The following MSRA variants were observed in gnomAD, a reference collection of about 807,000 sequenced individuals.
MSRA encodes the protein mitochondrial peptide methionine sulfoxide reductase.
Under a neutral mutation model 31.3 loss-of-function variants are expected in MSRA, and 54 were observed. That is an observed-to-expected ratio of 1.73 (90% CI 1.39 to 2.17). MSRA has a LOEUF of 2.17. MSRA is among the 30% of genes most tolerant of loss of function. The pLI, the probability that MSRA is intolerant of heterozygous loss-of-function variation, is 0.00. For missense variants in MSRA, 507 were observed against 300.9 expected, an observed-to-expected ratio of 1.69 and a Z score of -5.07; for synonymous variants, 169 against 116.5, an observed-to-expected ratio of 1.45 and a Z score of -2.90.
chr8:10,242,861 C>G (rs891581364), intron 2 of MSRA, among the ~76,000 whole-genome samples: 1 of 152,136 alleles, frequency 6.6e-6, no homozygotes, highest in African/African-American at 2.4e-5. Flanking sequence ...ACATTCCTCT[C>G]CAGAAATGTG....
rs375890802 is a variant in MSRA, at chr8:10,209,786, T to C, written c.211+1885T>C. ...AGCTCTTGGAGCAGGGGGCAGCCCC[T>C]GGGAGGCCCACTGTGCATGGCCAGC... is the stretch of plus-strand genomic sequence containing the variant. On this transcript the variant is annotated intron_variant, in intron 2 of 5. Transcript: ENST00000317173. Among the ~76,000 whole-genome samples, 8 of 152,328 alleles carry C rather than the reference T, an allele frequency of 5.3e-5. No individual in the cohort carries two copies. In the East Asian group the frequency reaches 1.4e-3, roughly 26 times the overall value.
chr8:10,093,496 A>G lies in MSRA; in HGVS notation c.142+38838A>G, dbSNP rs574580392. Among the ~76,000 whole-genome samples the G allele has an allele frequency of 5.3e-5, 8 of 152,182 alleles. No individual in the cohort carries two copies. The South Asian group carries it at 1.5e-3, about 28-fold the overall frequency. ...TTCTTTACTCTTATTGTCACATGTT[A>G]CCTCTTCATAGATTGTGTGCTTTTC... On this transcript the variant is annotated intron_variant, in intron 1 of 5. Coordinates refer to ENST00000317173, the MANE Select transcript of MSRA (RefSeq NM_012331.5).
At chr8:10,071,930 G>A (rs1797752868) in intron 1 of MSRA, among the ~76,000 whole-genome samples, 1 of 152,182 alleles carries the variant, frequency 6.6e-6, no homozygotes, top group African/African-American at 2.4e-5. Context: ...AAGAGACAGA[G>A]CAAGATCAGT....
intron 1 of MSRA, among the ~76,000 whole-genome samples, chr8:10,179,895 AGTT>A (rs1806385759): frequency 6.6e-6 from 1 of 152,186 alleles, no homozygotes; most frequent in South Asian, 2.1e-4. Flanking sequence ...TCAACCCCAA[AGTT>A]GTTCTAAGTG....
chr8:10,251,864 G>C (rs11780964), intron 3 of MSRA, among the ~76,000 whole-genome samples: 1 of 150,102 alleles, frequency 6.7e-6, no homozygotes, highest in African/African-American at 2.5e-5. Flanking sequence ...GACATGGTGG[G>C]GGGGGGGGGA....
chr8:10,283,834 T>TACAC (rs1481715144), intron 3 of MSRA, among the ~76,000 whole-genome samples: 2,512 of 70,750 alleles, frequency 0.036, 41 homozygotes, highest in Non-Finnish European at 0.053. Context: ...TATATATATA[T>TACAC]ATACACACAC....
chr8:10,096,599 G>A (rs1181873013), intron 1 of MSRA, among the ~76,000 whole-genome samples: 2 of 152,176 alleles, frequency 1.3e-5, no homozygotes, highest in Non-Finnish European at 2.9e-5. Context: ...AACGATTACT[G>A]TAGCCTGGCT....
intron 3 of MSRA, among the ~76,000 whole-genome samples, chr8:10,300,177 G>A (rs1474031893): frequency 6.6e-6 from 1 of 151,892 alleles, no homozygotes. Context: ...CATCTGGTAG[G>A]CACCCAGGAA....
chr8:10,284,970 C>G (rs1218754724), intron 3 of MSRA, among the ~76,000 whole-genome samples: 2 of 150,932 alleles, frequency 1.3e-5, no homozygotes, highest in South Asian at 2.1e-4. Flanking sequence ...CGTGTAGCAA[C>G]TTGAACAAAG....
intron 5 of MSRA, among the ~76,000 whole-genome samples, chr8:10,423,162 C>T (rs889383774): frequency 2.0e-5 from 3 of 152,288 alleles, no homozygotes; most frequent in East Asian, 1.9e-4. Flanking sequence ...GGGGAGAGGC[C>T]ACCAGGCTGC....
At chr8:10,117,511 C>T (rs1800772791) in intron 1 of MSRA, among the ~76,000 whole-genome samples, 1 of 152,112 alleles carries the variant, frequency 6.6e-6, no homozygotes, top group Non-Finnish European at 1.5e-5. Flanking sequence ...AAAAATAGTT[C>T]CTTGATATAC....
intron 5 of MSRA, among the ~76,000 whole-genome samples, chr8:10,355,560 G>T (rs1316445134): frequency 6.6e-6 from 1 of 152,168 alleles, no homozygotes; most frequent in African/African-American, 2.4e-5. Flanking sequence ...GGAGGAGTGG[G>T]CTCACCTGAT....
chr8:10,402,543 C>T (rs913953960), intron 5 of MSRA, among the ~76,000 whole-genome samples: 4 of 152,208 alleles, frequency 2.6e-5, no homozygotes, highest in African/African-American at 4.8e-5. Context: ...GCCCAAGATG[C>T]CCACTGGAGG....
intron 5 of MSRA, among the ~76,000 whole-genome samples, chr8:10,390,252 G>T (rs1236411954): frequency 6.6e-6 from 1 of 152,200 alleles, no homozygotes; most frequent in Non-Finnish European, 1.5e-5. Flanking sequence ...AGGCAGCCCT[G>T]AGAGGAGGGG....
At chr8:10,328,041 T>TG in intron 5 of MSRA, among the ~76,000 whole-genome samples, 1 of 139,664 alleles carries the variant, frequency 7.2e-6, no homozygotes, top group Non-Finnish European at 1.6e-5. Context: ...TTTTTTTTTT[T>TG]TTTTTTTTTT....
At chr8:10,104,347 C>A (rs1799735781) in intron 1 of MSRA, among the ~76,000 whole-genome samples, 1 of 152,186 alleles carries the variant, frequency 6.6e-6, no homozygotes, top group African/African-American at 2.4e-5. Context: ...AAGGATGCAT[C>A]TGTGACACAG....
At chr8:10,216,459 C>T (rs781374948) in intron 2 of MSRA, among the ~76,000 whole-genome samples, 3 of 152,100 alleles carry the variant, frequency 2.0e-5, no homozygotes, top group Non-Finnish European at 4.4e-5. Flanking sequence ...ATTTTTTAAG[C>T]GTATGGTCCA....
chr8:10,115,843 T>A (rs1435133099), intron 1 of MSRA, among the ~76,000 whole-genome samples: 1 of 152,222 alleles, frequency 6.6e-6, no homozygotes, highest in Non-Finnish European at 1.5e-5. Context: ...GACTGTTTAA[T>A]GAATTAATTA....
chr8:10,106,906 C>A (rs1431604062), intron 1 of MSRA, among the ~76,000 whole-genome samples: 1 of 151,962 alleles, frequency 6.6e-6, no homozygotes, highest in Non-Finnish European at 1.5e-5. Context: ...ACCCCTCTAC[C>A]CACCTACCCA....
Sources: gnomAD v4.1 joint callset for allele counts (sites outside exome capture counted in the v4.1 genomes callset) on GRCh38, gnomAD v4.1.1 for gene constraint, MANE v1.5 for transcripts, NCBI Gene and HGNC (gene_info 2026-07-23, HGNC 2026-07-21) for gene names.